The following VAV2 variants were observed in gnomAD, a reference collection of about 807,000 sequenced individuals.
VAV2 encodes vav guanine nucleotide exchange factor 2, also known as guanine nucleotide exchange factor VAV2.
In VAV2, 67 loss-of-function variants were observed where a neutral mutation model predicts 132.5. The observed-to-expected ratio is 0.51, with a 90% CI of 0.42 to 0.62. The LOEUF is 0.62. Among genes scored for constraint, VAV2 ranks in the 20% least tolerant of loss-of-function variants. VAV2 has a pLI of 0.00. For synonymous variants in VAV2, 492 were observed against 443.5 expected (o/e 1.11, Z -1.37); for missense variants, 938 against 1,153.6 (o/e 0.81, Z 2.71).
chr9:133,924,248 T>C (rs967480139), intron 2 of VAV2, among the ~76,000 whole-genome samples: 1 of 152,162 alleles, frequency 6.6e-6, no homozygotes, highest in Non-Finnish European at 1.5e-5. Context: ...CAGTGGTATA[T>C]CTCTGCTCAC....
Position 133,969,788 on chromosome 9 carries a change from A to C in VAV2, c.204+22287T>G, listed in dbSNP as rs1321419684. ...ATTCCCACTTCTCTCCCCACCCCCC[A>C]GCCTGGACACCCCCATCTGCCTCTG... On this transcript the variant is annotated intron_variant, in intron 1 of 29. Coordinates refer to ENST00000371850, the MANE Select transcript of VAV2 (RefSeq NM_001134398.2). This position sits in a 1 kb window ranked among gnomAD's most constrained non-coding sequence, Gnocchi z 5.1. Among the ~76,000 whole-genome samples, 1 of 150,654 alleles carries C rather than the reference A, an allele frequency of 6.6e-6. No individual in the cohort carries two copies. The highest frequency in any genetic ancestry group is 2.4e-5 in the African/African-American group (1 of 40,866).
intron 1 of VAV2, among the ~76,000 whole-genome samples, chr9:133,943,886 G>C (rs997311128): frequency 6.6e-6 from 1 of 152,260 alleles, no homozygotes; most frequent in African/African-American, 2.4e-5. Flanking sequence ...AATCGGATTA[G>C]TGTGGTGACA....
At chr9:133,817,878 A>G (rs1303553859) in intron 4 of VAV2, among the ~76,000 whole-genome samples, 1 of 152,120 alleles carries the variant, frequency 6.6e-6, no homozygotes, top group Non-Finnish European at 1.5e-5. Flanking sequence ...AGCTGCTGTG[A>G]TGGCTGATTT....
chr9:133,886,081 G>A (rs938708612), intron 2 of VAV2, among the ~76,000 whole-genome samples: 5 of 152,212 alleles, frequency 3.3e-5, no homozygotes, highest in African/African-American at 1.2e-4. Flanking sequence ...GCCACCCTGG[G>A]AGGCTGAGAT....
intron 1 of VAV2, among the ~76,000 whole-genome samples, chr9:133,941,969 G>T (rs547050346): frequency 4.6e-5 from 7 of 152,116 alleles, no homozygotes; most frequent in African/African-American, 7.2e-5. Flanking sequence ...AATAGTGGGC[G>T]CCCTCGAAGG....
intron 2 of VAV2, among the ~76,000 whole-genome samples, chr9:133,862,898 G>A (rs935213386): frequency 2.9e-4 from 44 of 152,218 alleles, no homozygotes; most frequent in Admixed American, 2.0e-3. Context: ...TAGAGACGGC[G>A]GGTTCGACCA....
At chr9:133,888,895 A>G (rs1270647967) in intron 2 of VAV2, among the ~76,000 whole-genome samples, 1 of 152,118 alleles carries the variant, frequency 6.6e-6, no homozygotes, top group Non-Finnish European at 1.5e-5. Flanking sequence ...ACTTACCCCA[A>G]TTACAGGACG....
intron 2 of VAV2, among the ~76,000 whole-genome samples, chr9:133,893,477 G>A (rs1340993186): frequency 1.3e-5 from 2 of 152,222 alleles, no homozygotes; most frequent in Admixed American, 6.5e-5. Flanking sequence ...CAAGGGACCT[G>A]CCCCGCACGG....
rs565961049 is a variant in VAV2, at chr9:133,896,201, T to C, written c.322-34769A>G. 4.3e-4 allele frequency among the ~76,000 whole-genome samples: 66 copies of C among 152,322 alleles called. No individual in the cohort carries two copies. In the Middle Eastern group the frequency reaches 0.02, roughly 47 times the overall value. On this transcript the variant is annotated intron_variant, in intron 2 of 29. Coordinates refer to ENST00000371850, the MANE Select transcript of VAV2 (RefSeq NM_001134398.2). ...CGGGCGCAGTGGCTTACGCCTATAATCCCAGCACTTTGGGAGCGCGAGGCA... is the reference window on the plus strand; with the variant it reads ...CGGGCGCAGTGGCTTACGCCTATAACCCCAGCACTTTGGGAGCGCGAGGCA...
intron 17 of VAV2, among the ~76,000 whole-genome samples, chr9:133,784,880 G>C (rs1240187553): frequency 6.6e-6 from 1 of 152,152 alleles, no homozygotes; most frequent in Admixed American, 6.5e-5. Flanking sequence ...TGGCTGGGGT[G>C]GGGTGGGGTG....
rs1215818105 is a variant in VAV2 at position 133,992,036 on chromosome 9, G to A, written c.204+39C>T. 15 of 1,458,072 alleles carry A rather than the reference G, an allele frequency of 1.0e-5. No individual in the cohort carries two copies. Among genetic ancestry groups the A allele is most frequent in the East Asian group, 3.0e-5 (1 of 33,354 alleles). The allele number at this position is 1,458,072 out of a possible 1,614,324, so 90.3% of individuals were successfully genotyped here. ...AGTCCGCGCGTCGGGCAGCGCGAAC[G>A]CCGCCTCCCCGGGGCCCTCCCGCCC... On this transcript the variant is annotated intron_variant, in intron 1 of 29. Coordinates refer to ENST00000371850, the MANE Select transcript of VAV2 (RefSeq NM_001134398.2). This position sits in a 1 kb window ranked among gnomAD's most constrained non-coding sequence, Gnocchi z 5.5.
At chr9:133,861,504 C>A (rs7853626) in intron 2 of VAV2, 72 bp from the exon 3 acceptor site, 1 of 1,559,698 alleles carries the variant, frequency 6.4e-7, no homozygotes, top group Non-Finnish European at 8.7e-7. Context: ...ACTGGGGACG[C>A]TGCTTTGCAG....
intron 1 of VAV2, among the ~76,000 whole-genome samples, chr9:133,977,522 ACGTGGCAATGGCCCTGGGGC>A (rs1324330515): frequency 6.6e-6 from 1 of 152,238 alleles, no homozygotes; most frequent in Non-Finnish European, 1.5e-5. Context: ...CACCGGGGAC[ACGTGGCAATGGCCCTGGGGC>A]CAGTCACCCT....
At chr9:133,843,189 G>A (rs192364007) in intron 3 of VAV2, among the ~76,000 whole-genome samples, 3 of 152,258 alleles carry the variant, frequency 2.0e-5, no homozygotes, top group East Asian at 3.9e-4. Flanking sequence ...AGATGAGCCT[G>A]ACACACCCAG....
intron 23 of VAV2, 84 bp from the exon 24 acceptor site, chr9:133,776,164 C>T (rs1424347235): frequency 1.3e-6 from 2 of 1,552,466 alleles, no homozygotes; most frequent in African/African-American, 2.7e-5. Context: ...TCAGTGACTG[C>T]CCTGTCCCCA....
intron 2 of VAV2, among the ~76,000 whole-genome samples, chr9:133,869,736 C>T (rs1408833864): frequency 1.3e-5 from 2 of 152,248 alleles, no homozygotes; most frequent in African/African-American, 2.4e-5. Context: ...TGGCCCCGAC[C>T]CTCCGACTGT....
At chr9:133,940,731 A>G (rs2519802) in intron 1 of VAV2, among the ~76,000 whole-genome samples, 106,867 of 150,866 alleles carry the variant, frequency 0.71, 37,766 homozygotes, top group East Asian at 0.81. Context: ...GAGATTAACT[A>G]CAGTAATGAC....
Position 133,823,310 on chromosome 9 carries a change from G to T in VAV2, c.449+10962C>A, listed in dbSNP as rs1835865396. On this transcript the variant is annotated intron_variant, in intron 4 of 29. Coordinates refer to ENST00000371850, the MANE Select transcript of VAV2 (RefSeq NM_001134398.2). This position sits in a 1 kb window ranked among gnomAD's most constrained non-coding sequence, Gnocchi z 5.5. ...TCCTGCTGTCCTTTCTAAGCATCTG[G>T]TGAAGGTGAACTTCAATTCAGCCTG... Among the ~76,000 whole-genome samples, 1 of 152,230 alleles carries T rather than the reference G, an allele frequency of 6.6e-6. No individual in the cohort carries two copies. Among genetic ancestry groups the T allele is most frequent in the Non-Finnish European group, 1.5e-5 (1 of 68,036 alleles).
Position 133,764,129 on chromosome 9 carries a change from C to CGT in VAV2, c.2590-22_2590-21dup. On this transcript the variant is annotated intron_variant, in intron 29 of 29. Transcript: ENST00000371850. ...GCCAATCTGAAAAAGATGGTAAGAT[C>CGT]GTGTCTGTGTGTGTGTGTGTGTGTG... 1 of 1,588,636 alleles carries CGT rather than the reference C, an allele frequency of 6.3e-7. No homozygotes were observed. Among genetic ancestry groups the CGT allele is most frequent in the South Asian group, 1.1e-5 (1 of 90,196 alleles).
Sources: gnomAD v4.1 joint callset for allele counts (sites outside exome capture counted in the v4.1 genomes callset) on GRCh38, gnomAD v4.1.1 for gene constraint, Gnocchi (gnomAD v3.1) non-coding constraint, MANE v1.5 for transcripts, NCBI Gene and HGNC (gene_info 2026-07-23, HGNC 2026-07-21) for gene names.